The following ADAMTS20 variants were observed in gnomAD, a reference collection of about 807,000 sequenced individuals.
ADAMTS20 encodes the protein ADAM metallopeptidase with thrombospondin type 1 motif 20.
A neutral mutation model predicts 260.1 loss-of-function variants in ADAMTS20; 225 were observed. The observed-to-expected ratio is 0.87, with a 90% CI of 0.78 to 0.97. ADAMTS20 has a LOEUF of 0.97. ADAMTS20 is among the 50% of genes least tolerant of loss of function. The pLI, the probability that ADAMTS20 is intolerant of heterozygous loss-of-function variation, is 0.00. For synonymous variants in ADAMTS20, 802 were observed against 769.5 expected, an observed-to-expected ratio of 1.04 and a Z score of -0.70; for missense variants, 2,400 against 2,337.7, an observed-to-expected ratio of 1.03 and a Z score of -0.55.
chr12:43,409,459 G>A (rs911123403), intron 28 of ADAMTS20, among the ~76,000 whole-genome samples: 3 of 150,538 alleles, frequency 2.0e-5, no homozygotes, highest in Admixed American at 1.3e-4. Flanking sequence ...AAAATTAGCC[G>A]GGCGTAGTGG....
At position 43,452,672 on chromosome 12, in the gene ADAMTS20, C is replaced by T; in HGVS notation, c.1784G>A (p.Cys595Tyr). 6.2e-7 allele frequency: 1 copy of T among 1,608,300 alleles called. No individual in the cohort carries two copies. Among genetic ancestry groups the T allele is most frequent in the Non-Finnish European group, 8.5e-7 (1 of 1,176,464 alleles). ...TCGAAATTTCATCCTGCGGCCCACACAGTAATTTCCTCCGTTTCTTGGCCT... is the reference window on the plus strand; with the variant it reads ...TCGAAATTTCATCCTGCGGCCCACATAGTAATTTCCTCCGTTTCTTGGCCT... ...RPEPRNGGNY[C>Y]VGRRMKFRSC... is the part of the protein sequence containing the mutation. The change falls in exon 13 of 39, where the codon TGT becomes TAT. Residue 595 changes from cysteine to tyrosine, a missense_variant. By Grantham distance (194) the Cys-to-Tyr change is radical (BLOSUM62 -2). Transcript: ENST00000389420.
intron 7 of ADAMTS20, among the ~76,000 whole-genome samples, chr12:43,475,626 G>A (rs1942339139): frequency 6.6e-6 from 1 of 151,906 alleles, no homozygotes; most frequent in Non-Finnish European, 1.5e-5. Context: ...AAACCGCATG[G>A]TACTGGTACC....
chr12:43,438,061 A>C (rs1405281116), intron 18 of ADAMTS20, among the ~76,000 whole-genome samples: 2 of 152,192 alleles, frequency 1.3e-5, no homozygotes, highest in African/African-American at 2.4e-5. Context: ...AGAAACTAAA[A>C]AAAATACACA....
At position 43,376,124 on chromosome 12, in the gene ADAMTS20, C is replaced by G. The variant is rs371611244; in HGVS notation, c.5245G>C (p.Glu1749Gln). The change falls in exon 35 of 39, where the codon GAG becomes CAG. Residue 1749 changes from glutamate to glutamine, a missense_variant. By Grantham distance (29) the Glu-to-Gln change is conservative. Coordinates refer to ENST00000389420, the MANE Select transcript of ADAMTS20 (RefSeq NM_025003.5). The part of the protein sequence containing the change: ...IKIYCADMYL[E>Q]NPKEYLTLVQ... ...AGTGTTAAATATTCCTTAGGGTTCT[C>G]CAAGTACATGTCTGCACAATAAATC... 105 of 1,609,124 alleles carry G rather than the reference C, an allele frequency of 6.5e-5. No homozygotes were observed. Among genetic ancestry groups the G allele is most frequent in the Non-Finnish European group, 5.2e-5 (61 of 1,177,872 alleles).
intron 28 of ADAMTS20, among the ~76,000 whole-genome samples, chr12:43,408,024 C>T (rs150659373): frequency 9.8e-4 from 149 of 152,150 alleles, no homozygotes; most frequent in Admixed American, 1.8e-3. Flanking sequence ...TTGACTCATC[C>T]AGTAACATGA....
At chr12:43,502,798 C>T (rs1239357345) in intron 3 of ADAMTS20, among the ~76,000 whole-genome samples, 4 of 151,988 alleles carry the variant, frequency 2.6e-5, no homozygotes, top group African/African-American at 4.8e-5. Context: ...AATCTCATTA[C>T]AGAGTAGTAC....
In ADAMTS20 at chr12:43,551,114, G is replaced by T. The variant is rs1313980044; in HGVS notation, c.248C>A (p.Thr83Asn). 1.9e-6 allele frequency: 3 copies of T among 1,613,986 alleles called. No homozygotes were observed. The highest frequency in any genetic ancestry group is 2.5e-6 in the Non-Finnish European group (3 of 1,179,880). The change falls in exon 2 of 39, where the codon ACT (threonine) becomes AAT (asparagine). Residue 83 changes from threonine to asparagine, a missense_variant. Transcript: ENST00000389420. The surrounding 1 kb of genome is among the most constrained non-coding windows in gnomAD (Gnocchi z 4.6). ...PMPFRTHYRF[T>N]AYGQLFQLNL... ...CAGCTGGAAGAGCTGCCCGTAGGCA[G>T]TGAAGCGATAGTGGGTTCGGAACGG... is the stretch of plus-strand genomic sequence containing the variant.
chr12:43,493,316 T>G, intron 4 of ADAMTS20, 63 bp from the exon 5 acceptor site: 1 of 1,188,050 alleles, frequency 8.4e-7, no homozygotes, highest in Non-Finnish European at 1.2e-6. Context: ...AAAAGTAAGT[T>G]GAAATAGTCA....
intron 3 of ADAMTS20, among the ~76,000 whole-genome samples, chr12:43,506,690 G>T (rs1028283264): frequency 2.6e-5 from 4 of 151,928 alleles, no homozygotes; most frequent in South Asian, 2.1e-4. Flanking sequence ...ATGTTGGTCA[G>T]GCTGGTCTCG....
intron 3 of ADAMTS20, among the ~76,000 whole-genome samples, chr12:43,524,077 A>G (rs1169440536): frequency 8.0e-6 from 1 of 124,552 alleles, no homozygotes; most frequent in East Asian, 3.0e-4. Context: ...GGCATCTCCA[A>G]GTAAACATTG....
At position 43,432,486 on chromosome 12, in the gene ADAMTS20, A is replaced by G; in HGVS notation, c.2932-18T>C. 6.3e-7 allele frequency: 1 copy of G among 1,591,772 alleles called. No homozygotes were observed. The highest frequency in any genetic ancestry group is 8.5e-7 in the Non-Finnish European group (1 of 1,170,044). ...CTGGAACACTGATTAAAAAAAAAAA[A>G]GTGGTAACTAATGGAAAAAAATCAG... On this transcript the variant is annotated intron_variant, in intron 20 of 38. Transcript: ENST00000389420.
intron 37 of ADAMTS20, among the ~76,000 whole-genome samples, chr12:43,361,420 G>A (rs1939864406): frequency 6.6e-6 from 1 of 152,236 alleles, no homozygotes; most frequent in African/African-American, 2.4e-5. Flanking sequence ...GACAGCATGT[G>A]TCTATGCCCA....
rs182081333 is a variant in ADAMTS20, at chr12:43,393,420, A to G, written c.4452+5646T>C. ...ATAAATATCCTATTTATGAAAAAATATAACACTGCATACATTAGTGCTTTA... is the reference window on the plus strand; with the variant it reads ...ATAAATATCCTATTTATGAAAAAATGTAACACTGCATACATTAGTGCTTTA... On this transcript the variant is annotated intron_variant, in intron 29 of 38. Transcript: ENST00000389420. 1.4e-4 allele frequency among the ~76,000 whole-genome samples: 22 copies of G among 152,158 alleles called. 1 individual carries two copies. In the East Asian group the frequency reaches 3.1e-3, roughly 21 times the overall value.
chr12:43,515,942 T>C (rs1942994386), intron 3 of ADAMTS20, among the ~76,000 whole-genome samples: 2 of 152,176 alleles, frequency 1.3e-5, no homozygotes, highest in Admixed American at 1.3e-4. Context: ...CGATCTTATT[T>C]AACACCAAGA....
At chr12:43,386,089 C>G (rs1565675340) in intron 29 of ADAMTS20, among the ~76,000 whole-genome samples, 2 of 151,972 alleles carry the variant, frequency 1.3e-5, no homozygotes, top group Admixed American at 6.6e-5. Context: ...TTTTGTTAAT[C>G]TTTTCAAAAA....
intron 21 of ADAMTS20, among the ~76,000 whole-genome samples, chr12:43,431,832 T>C (rs1359293749): frequency 6.6e-6 from 1 of 152,216 alleles, no homozygotes; most frequent in Non-Finnish European, 1.5e-5. Context: ...AGTCAGATAC[T>C]GTAAATAGTA....
At chr12:43,454,188 C>A in intron 11 of ADAMTS20, 136 bp from the exon 12 acceptor site, 4 of 975,726 alleles carry the variant, frequency 4.1e-6, no homozygotes, top group Non-Finnish European at 5.8e-6. Context: ...ATTCAGATTA[C>A]ATTTGAAATG....
intron 26 of ADAMTS20, among the ~76,000 whole-genome samples, chr12:43,427,799 C>T (rs1256698234): frequency 6.6e-6 from 1 of 152,130 alleles, no homozygotes; most frequent in Non-Finnish European, 1.5e-5. Context: ...AATTACTTAA[C>T]TTTACACTGG....
At chr12:43,507,868 T>C (rs942671574) in intron 3 of ADAMTS20, among the ~76,000 whole-genome samples, 15 of 152,176 alleles carry the variant, frequency 9.9e-5, no homozygotes, top group Non-Finnish European at 1.9e-4. Context: ...CCATTATCCT[T>C]AACAATCTAA....
Sources: gnomAD v4.1 joint callset for allele counts (sites outside exome capture counted in the v4.1 genomes callset) on GRCh38, gnomAD v4.1.1 for gene constraint, Gnocchi (gnomAD v3.1) non-coding constraint, MANE v1.5 for transcripts, NCBI Gene and HGNC (gene_info 2026-07-23, HGNC 2026-07-21) for gene names.